Variants in KCTD7 observed in about 807,000 individuals in gnomAD.
The protein encoded by KCTD7 is potassium channel tetramerization domain containing 7, also known as BTB/POZ domain-containing protein KCTD7.
Under a neutral mutation model 27.0 loss-of-function variants are expected in KCTD7, and 15 were observed. The observed-to-expected ratio is 0.56, with a 90% confidence interval of 0.37 to 0.86. The LOEUF is 0.86. Among genes scored for constraint, KCTD7 ranks in the 40% least tolerant of loss-of-function variants. The probability of loss-of-function intolerance (pLI) is 0.00; values close to 1 mark genes in which losing one functional copy is unlikely to be tolerated. For missense variants in KCTD7, 299 were observed against 398.9 expected, an observed-to-expected ratio of 0.75 and a Z score of 2.13; for synonymous variants, 159 against 162.7, an observed-to-expected ratio of 0.98 and a Z score of 0.17.
intron 1 of KCTD7, among the ~76,000 whole-genome samples, chr7:66,630,005 C>T (rs1786411348): frequency 6.6e-6 from 1 of 152,180 alleles, no homozygotes; most frequent in South Asian, 2.1e-4. Context: ...GGCATGGTGG[C>T]TCACATCTGT....
chr7:66,629,352 C>G, intron 1 of KCTD7, 144 bp downstream of exon 1: 4 of 556,938 alleles, frequency 7.2e-6, no homozygotes, highest in Non-Finnish European at 1.0e-5. Flanking sequence ...CGCCCACCTG[C>G]AACTCCCCCG....
rs1221143259 is a variant in KCTD7, at chr7:66,640,875, T to C, written c.*1643T>C. On this transcript the variant is annotated 3_prime_UTR_variant, in exon 4 of 4. Coordinates refer to ENST00000639828, the MANE Select transcript of KCTD7 (RefSeq NM_153033.5). ...AATAAATTGGGGAGGACAGCCTCAC[T>C]GGTATCAGACTTACAGGACCAGATA... is the stretch of plus-strand genomic sequence containing the variant. 3.0e-6 allele frequency: 3 copies of C among 987,024 alleles called. No individual in the cohort carries two copies. In the South Asian group the frequency reaches 1.4e-4, roughly 46 times the overall value. The allele number at this position is 987,024 out of a possible 1,614,324, so 61.1% of individuals were successfully genotyped here.
rs771922388 is a variant in KCTD7, at chr7:66,629,037, G to A, written c.-28G>A. 7 of 1,488,788 alleles carry A rather than the reference G, an allele frequency of 4.7e-6. No homozygotes were observed. In the South Asian group the frequency reaches 6.4e-5, roughly 14 times the overall value. The allele number at this position is 1,488,788 out of a possible 1,614,324, so 92.2% of individuals were successfully genotyped here. The stretch of plus-strand genomic sequence containing the variant: ...GGGCCGCCGCCTCCGCCCGCCCGAA[G>A]CCGCGCCCACTGCCCAGAGCCAGAG... On this transcript the variant is annotated 5_prime_UTR_variant, in exon 1 of 4. Transcript: ENST00000639828.
downstream of KCTD7, chr7:66,643,098 G>A (rs1786756840): frequency 7.1e-6 from 7 of 985,372 alleles, no homozygotes; most frequent in Non-Finnish European, 8.4e-6. Context: ...TCTCTTCTCT[G>A]ACCCCCACTT....
At chr7:66,634,354 GT>G (rs1439387032) in intron 2 of KCTD7, among the ~76,000 whole-genome samples, 1 of 148,464 alleles carries the variant, frequency 6.7e-6, no homozygotes, top group Non-Finnish European at 1.5e-5. Flanking sequence ...TTTAGGTGTT[GT>G]TTTTTTTTCG....
rs1207922864 is a variant in KCTD7, at chr7:66,638,326, C to G, written c.388C>G (p.Gln130Glu). 5 of 1,614,246 alleles carry G rather than the reference C, an allele frequency of 3.1e-6. No homozygotes were observed. The South Asian group carries it at 4.4e-5, about 14-fold the overall frequency. The change falls in exon 3 of 4, where the codon CAG becomes GAG. Residue 130 changes from glutamine to glutamate, a missense_variant. Physicochemically the swap from Gln to Glu is conservative, Grantham distance 29. Transcript: ENST00000639828. ...TGTTCGAGCTGTGTACAAAGAGGCCCAGTACTATGCCATCGGGCCCCTCCT... is the reference window on the plus strand; with the variant it reads ...TGTTCGAGCTGTGTACAAAGAGGCCGAGTACTATGCCATCGGGCCCCTCCT... Reference protein sequence around the residue: ...ERVRAVYKEAQYYAIGPLLEQ... With the variant: ...ERVRAVYKEAEYYAIGPLLEQ...
Position 66,629,167 on chromosome 7 carries a change from G to A in KCTD7, c.103G>A (p.Ala35Thr). The A allele has an allele frequency of 1.3e-6, 2 of 1,522,492 alleles. No individual in the cohort carries two copies. The highest frequency in any genetic ancestry group is 1.8e-6 in the Non-Finnish European group (2 of 1,135,756). The allele number at this position is 1,522,492 out of a possible 1,614,324, so 94.3% of individuals were successfully genotyped here. The change falls in exon 1 of 4, where the codon GCC becomes ACC. Residue 35 changes from alanine (A) to threonine (T), a missense_variant. Transcript: ENST00000639828. ...DDFLEPATPT[A>T]TQAGHALPLL... Reference sequence around the variant, plus strand: ...CTTTCTGGAGCCGGCCACGCCGACGGCCACGCAGGCGGGGCACGCGCTGCC... The same window carrying A: ...CTTTCTGGAGCCGGCCACGCCGACGACCACGCAGGCGGGGCACGCGCTGCC...
At chr7:66,632,483 C>T (rs1280753658) in intron 1 of KCTD7, among the ~76,000 whole-genome samples, 6 of 132,454 alleles carry the variant, frequency 4.5e-5, no homozygotes, top group African/African-American at 8.6e-5. Context: ...GCTGGGACTC[C>T]GTCTCAAAAA....
At position 66,639,221 on chromosome 7, in the gene KCTD7, A is replaced by G. The variant is rs1786656484; in HGVS notation, c.859A>G (p.Thr287Ala). 6.2e-7 allele frequency: 1 copy of G among 1,612,358 alleles called. No individual in the cohort carries two copies. The highest frequency in any genetic ancestry group is 1.7e-5 in the Admixed American group (1 of 60,002). Reference protein sequence around the residue: ...CKRPIYEFKITWW With the variant: ...CKRPIYEFKIAWW ...GCGCCCCATCTATGAGTTCAAGATC[A>G]CATGGTGGTGAGTAGCCCCGGTAGG... Residue 287 changes from threonine (T) to alanine (A), a missense_variant, in exon 4 of 4, where the codon ACA becomes GCA. Thr to Ala is a moderately conservative substitution (Grantham distance 58, BLOSUM62 0). Transcript: ENST00000639828.
Position 66,629,124 on chromosome 7 carries a change from C to G in KCTD7, c.60C>G (p.Ser20Arg). 1 of 1,538,184 alleles carries G rather than the reference C, an allele frequency of 6.5e-7. No homozygotes were observed. The highest frequency in any genetic ancestry group is 8.7e-7 in the Non-Finnish European group (1 of 1,144,656). The change falls in exon 1 of 4, where the codon AGC becomes AGG. Residue 20 changes from serine to arginine, a missense_variant. Ser to Arg is a moderately radical substitution (Grantham distance 110, BLOSUM62 -1). Transcript: ENST00000639828. The part of the protein sequence containing the change: ...DSRRQDGAMS[S>R]SDAEDDFLEP... ...GTCGTCAGGACGGTGCCATGTCCAG[C>G]TCTGACGCCGAAGACGACTTTCTGG...
rs775131916 is a variant in KCTD7, at chr7:66,641,917, G to A, written c.*2685G>A. 3 of 985,404 alleles carry A rather than the reference G, an allele frequency of 3.0e-6. No homozygotes were observed. Among genetic ancestry groups the A allele is most frequent in the Non-Finnish European group, 3.6e-6 (3 of 829,922 alleles). The allele number at this position is 985,404 out of a possible 1,614,324, so 61.0% of individuals were successfully genotyped here. On this transcript the variant is annotated 3_prime_UTR_variant, in exon 4 of 4. Transcript: ENST00000639828. ...AAGAAGGGTTGGGTCTGGAAGGAAG[G>A]CTCCAAAGGATGAAAGCTTCTCCCT...
At chr7:66,638,819 T>C in intron 3 of KCTD7, 37 bp from the exon 4 acceptor site, 1 of 1,613,014 alleles carries the variant, frequency 6.2e-7, no homozygotes, top group Non-Finnish European at 8.5e-7. Flanking sequence ...GTCCTGCCTC[T>C]TCACCCTAGT....
In KCTD7 at chr7:66,629,177, C is replaced by A; in HGVS notation, c.113C>A (p.Ala38Glu). 1 of 1,498,704 alleles carries A rather than the reference C, an allele frequency of 6.7e-7. No homozygotes were observed. The highest frequency in any genetic ancestry group is 8.9e-7 in the Non-Finnish European group (1 of 1,121,690). The allele number at this position is 1,498,704 out of a possible 1,614,324, so 92.8% of individuals were successfully genotyped here. Residue 38 changes from alanine (A) to glutamate (E), a missense_variant, in exon 1 of 4, where the codon GCG becomes GAG. Physicochemically the swap from Ala to Glu is moderately radical, Grantham distance 107. Coordinates refer to ENST00000639828, the MANE Select transcript of KCTD7 (RefSeq NM_153033.5). ...CCGGCCACGCCGACGGCCACGCAGG[C>A]GGGGCACGCGCTGCCCCTGCTGCCA... is the stretch of plus-strand genomic sequence containing the variant. ...LEPATPTATQ[A>E]GHALPLLPQE...
At chr7:66,636,772 CTT>C (rs1477762562) in intron 2 of KCTD7, among the ~76,000 whole-genome samples, 1 of 151,886 alleles carries the variant, frequency 6.6e-6, no homozygotes, top group Non-Finnish European at 1.5e-5. Flanking sequence ...GATCCTATCT[CTT>C]AAAAAAGAAG....
Position 66,640,037 on chromosome 7 carries a change from G to T in KCTD7, c.*805G>T. On this transcript the variant is annotated 3_prime_UTR_variant, in exon 4 of 4. Transcript: ENST00000639828. ...ATTCCCCAAGTCAAGCAGGCAAGAT[G>T]CCTAGATCTTCTGTTATCTTTGACA... 7.9e-7 allele frequency: 1 copy of T among 1,267,880 alleles called. No homozygotes were observed. Among genetic ancestry groups the T allele is most frequent in the Non-Finnish European group, 9.9e-7 (1 of 1,010,782 alleles). 78.5% of individuals were successfully genotyped at this position (1,267,880 alleles called of 1,614,324 possible).
intron 1 of KCTD7, among the ~76,000 whole-genome samples, chr7:66,631,084 C>A (rs2116759520): frequency 6.6e-6 from 1 of 152,334 alleles, no homozygotes. Flanking sequence ...AGTAACAGTG[C>A]ATACACACAC....
rs905178281 is a variant in KCTD7 at position 66,640,050 on chromosome 7, G to A, written c.*818G>A. 3.7e-5 allele frequency: 47 copies of A among 1,266,874 alleles called. No homozygotes were observed. The highest frequency in any genetic ancestry group is 4.3e-5 in the Non-Finnish European group (43 of 1,010,316). 78.5% of individuals were successfully genotyped at this position (1,266,874 alleles called of 1,614,324 possible). On this transcript the variant is annotated 3_prime_UTR_variant, in exon 4 of 4. Coordinates refer to ENST00000639828, the MANE Select transcript of KCTD7 (RefSeq NM_153033.5). ...AGCAGGCAAGATGCCTAGATCTTCT[G>A]TTATCTTTGACATGTAACATCCTTT... is the stretch of plus-strand genomic sequence containing the variant.
At chr7:66,635,802 ATGTT>A (rs1276212814) in intron 2 of KCTD7, among the ~76,000 whole-genome samples, 1 of 150,282 alleles carries the variant, frequency 6.7e-6, no homozygotes, top group East Asian at 1.9e-4. Context: ...CTATAAAAAG[ATGTT>A]TGTTTGCGGG....
chr7:66,634,373 T>C (rs1390865990), intron 2 of KCTD7, among the ~76,000 whole-genome samples: 1 of 151,732 alleles, frequency 6.6e-6, no homozygotes, highest in African/African-American at 2.4e-5. Context: ...TCGGGGGCTG[T>C]TTTTTTGGAG....
Sources: gnomAD v4.1 joint callset for allele counts (sites outside exome capture counted in the v4.1 genomes callset) on GRCh38, gnomAD v4.1.1 for gene constraint, MANE v1.5 for transcripts, NCBI Gene and HGNC (gene_info 2026-07-23, HGNC 2026-07-21) for gene names.